SORCS1: variants seen among roughly 807,000 people sequenced by gnomAD.
The protein encoded by SORCS1 is VPS10 domain-containing receptor SorCS1.
Under a neutral mutation model 146.1 loss-of-function variants are expected in SORCS1, and 60 were observed. The observed-to-expected ratio is 0.41, with a 90% CI of 0.33 to 0.51. The LOEUF (loss-of-function observed/expected upper bound fraction) is 0.51, where lower values mean the gene tolerates loss of function less well. SORCS1 is among the 20% of genes least tolerant of loss of function. SORCS1 has a pLI of 0.21. For synonymous variants in SORCS1, 637 were observed against 584.0 expected (o/e 1.09, Z -1.31); for missense variants, 1,352 against 1,487.6 (o/e 0.91, Z 1.50).
intron 1 of SORCS1, among the ~76,000 whole-genome samples, chr10:107,102,333 A>T (rs1964983711): frequency 6.6e-6 from 1 of 152,206 alleles, no homozygotes; most frequent in African/African-American, 2.4e-5. Flanking sequence ...TGCATGGCTC[A>T]CTGTCCTGAA....
At chr10:107,121,712 C>T (rs977751370) in intron 1 of SORCS1, among the ~76,000 whole-genome samples, 1 of 151,804 alleles carries the variant, frequency 6.6e-6, no homozygotes, top group Non-Finnish European at 1.5e-5. Flanking sequence ...ACAGTACATA[C>T]AGTTGGAGAA....
chr10:107,158,224 T>C (rs1174029102), intron 1 of SORCS1, among the ~76,000 whole-genome samples: 3 of 152,368 alleles, frequency 2.0e-5, no homozygotes, highest in Non-Finnish European at 4.4e-5. Context: ...AGGTTTTTAT[T>C]TTCCTACTGG....
intron 2 of SORCS1, among the ~76,000 whole-genome samples, chr10:106,861,224 CTTGTCTCTACTAAAATACAAAAAAAA>C (rs1163808901): frequency 6.6e-6 from 1 of 151,840 alleles, no homozygotes; most frequent in Non-Finnish European, 1.5e-5. Flanking sequence ...AAGGTGAAAC[CTTGTCTCTACTAAAATACAAAAAAAA>C]TTAGCCAGGC....
chr10:106,823,922 T>C (rs1948171824), intron 3 of SORCS1, among the ~76,000 whole-genome samples: 1 of 152,130 alleles, frequency 6.6e-6, no homozygotes, highest in Non-Finnish European at 1.5e-5. Flanking sequence ...ATCCCCAAAA[T>C]CTTTTAGATT....
chr10:106,895,428 T>C (rs879855633), intron 2 of SORCS1, among the ~76,000 whole-genome samples: 2 of 152,096 alleles, frequency 1.3e-5, no homozygotes, highest in Non-Finnish European at 2.9e-5. Context: ...CTGACAAACA[T>C]GGTAAAACCT....
chr10:106,762,622 C>T (rs1005026220), intron 4 of SORCS1, among the ~76,000 whole-genome samples: 1 of 151,672 alleles, frequency 6.6e-6, no homozygotes, highest in Non-Finnish European at 1.5e-5. Context: ...TGGTCTCGAT[C>T]TCCTGACCTC....
At chr10:106,868,942 A>AG (rs1439058554) in intron 2 of SORCS1, among the ~76,000 whole-genome samples, 1 of 152,194 alleles carries the variant, frequency 6.6e-6, no homozygotes, top group Admixed American at 6.5e-5. Context: ...ACATGCCACT[A>AG]GCTCGACTAA....
intron 1 of SORCS1, among the ~76,000 whole-genome samples, chr10:106,975,822 A>G (rs1955967105): frequency 6.6e-6 from 1 of 152,184 alleles, no homozygotes; most frequent in South Asian, 2.1e-4. Context: ...TCAGGCCCCC[A>G]GAGCTTTCTC....
At chr10:106,753,954 A>G (rs1252226835) in intron 5 of SORCS1, among the ~76,000 whole-genome samples, 1 of 152,212 alleles carries the variant, frequency 6.6e-6, no homozygotes, top group Non-Finnish European at 1.5e-5. Context: ...AAATTATATA[A>G]GATTGTGTTT....
chr10:107,082,628 T>C (rs546960551), intron 1 of SORCS1, among the ~76,000 whole-genome samples: 1 of 152,012 alleles, frequency 6.6e-6, no homozygotes, highest in Non-Finnish European at 1.5e-5. Context: ...ATTACAGGTT[T>C]GTGCCACTAC....
rs200729899 is a variant in SORCS1 at position 106,840,860 on chromosome 10, TATA to T, written c.627-11190_627-11188del. On this transcript the variant is annotated intron_variant, in intron 2 of 25. Transcript: ENST00000263054. ...GTTATATTATATATATATATATATA[TATA>T]TTTTTTTTTTTTGGATGGAGTCTTG... is the stretch of plus-strand genomic sequence containing the variant. Among the ~76,000 whole-genome samples the T allele has an allele frequency of 2.3e-3, 242 of 105,634 alleles. 2 individuals are homozygous for T. In the East Asian group the frequency reaches 0.047, roughly 21 times the overall value. The allele number at this position is 105,634 out of a possible 152,430, so 69.3% of individuals were successfully genotyped here.
chr10:107,077,475 T>A (rs1332491413), intron 1 of SORCS1, among the ~76,000 whole-genome samples: 4 of 151,888 alleles, frequency 2.6e-5, no homozygotes, highest in African/African-American at 4.8e-5. Flanking sequence ...TTTTTTTAGA[T>A]GTTTACATAG....
intron 23 of SORCS1, among the ~76,000 whole-genome samples, chr10:106,606,871 TGAA>T (rs772928687): frequency 2.0e-5 from 3 of 152,210 alleles, no homozygotes; most frequent in Non-Finnish European, 4.4e-5. Flanking sequence ...TGCCACCATG[TGAA>T]GAAGGACAGG....
chr10:106,875,049 T>C (rs1950546322), intron 2 of SORCS1, among the ~76,000 whole-genome samples: 1 of 152,196 alleles, frequency 6.6e-6, no homozygotes, highest in South Asian at 2.1e-4. Flanking sequence ...GAGATTTTAG[T>C]GCACCCATCA....
chr10:107,048,934 T>C (rs184884224), intron 1 of SORCS1, among the ~76,000 whole-genome samples: 24 of 152,076 alleles, frequency 1.6e-4, no homozygotes, highest in African/African-American at 5.3e-4. Flanking sequence ...TAGCAACACA[T>C]TGAGGGCAAA....
At chr10:107,090,067 G>A (rs572332942) in intron 1 of SORCS1, among the ~76,000 whole-genome samples, 8 of 152,296 alleles carry the variant, frequency 5.3e-5, no homozygotes, top group Admixed American at 1.3e-4. Flanking sequence ...ATTATAGAAT[G>A]AAAGAAGGTG....
intron 6 of SORCS1, among the ~76,000 whole-genome samples, chr10:106,723,231 A>G (rs1166473573): frequency 6.6e-6 from 1 of 152,184 alleles, no homozygotes. Context: ...CGGAGATTAA[A>G]TAAGATACAA....
intron 1 of SORCS1, among the ~76,000 whole-genome samples, chr10:107,113,938 A>G (rs1965860265): frequency 6.6e-6 from 1 of 152,070 alleles, no homozygotes; most frequent in Non-Finnish European, 1.5e-5. Context: ...AGCCCAAATA[A>G]ATAAAATTAA....
chr10:106,823,035 G>A (rs541399554), intron 3 of SORCS1, among the ~76,000 whole-genome samples: 8 of 151,928 alleles, frequency 5.3e-5, no homozygotes, highest in South Asian at 4.2e-4. Flanking sequence ...CACCCACCTC[G>A]GCCTCTCAAA....
Sources: allele counts gnomAD v4.1 joint callset (sites outside exome capture counted in the v4.1 genomes callset), GRCh38; gene constraint gnomAD v4.1.1; transcripts MANE v1.5; gene names NCBI Gene and HGNC (gene_info 2026-07-23, HGNC 2026-07-21).